KDM4C: variants seen among roughly 807,000 people sequenced by gnomAD.
KDM4C encodes the protein lysine demethylase 4C.
KDM4C carries 81 observed loss-of-function variants against 129.3 expected under a neutral mutation model. The observed-to-expected ratio is 0.63, with a 90% CI of 0.52 to 0.75. KDM4C has a LOEUF of 0.75. Ranked by LOEUF, KDM4C falls within the 30% of genes least tolerant of loss-of-function variation. The probability of loss-of-function intolerance (pLI) is 0.00; values close to 1 mark genes in which losing one functional copy is unlikely to be tolerated. For missense variants in KDM4C, 1,457 were observed against 1,304.0 expected, an observed-to-expected ratio of 1.12 and a Z score of -1.81; for synonymous variants, 573 against 456.1, an observed-to-expected ratio of 1.26 and a Z score of -3.26.
intron 8 of KDM4C, among the ~76,000 whole-genome samples, chr9:6,973,320 G>C (rs1832325280): frequency 2.0e-5 from 3 of 152,178 alleles, no homozygotes; most frequent in Non-Finnish European, 4.4e-5. Flanking sequence ...TAGGATTACA[G>C]GCGTGAGCCC....
intron 5 of KDM4C, among the ~76,000 whole-genome samples, chr9:6,854,238 G>C (rs1384388404): frequency 6.6e-6 from 1 of 151,994 alleles, no homozygotes; most frequent in Non-Finnish European, 1.5e-5. Flanking sequence ...AAATGAATAA[G>C]AAACTTTCGA....
chr9:6,729,124 A>AAAAAAAAAAAGGCTTGTC (rs1554663579), intron 1 of KDM4C, among the ~76,000 whole-genome samples: 84 of 125,468 alleles, frequency 6.7e-4, no homozygotes, highest in African/African-American at 9.4e-4. Flanking sequence ...GAATTGCTTG[A>AAAAAAAAAAAGGCTTGTC]ACCCGGGAAG....
intron 18 of KDM4C, among the ~76,000 whole-genome samples, chr9:7,108,130 T>C (rs1837907135): frequency 6.6e-6 from 1 of 152,182 alleles, no homozygotes; most frequent in East Asian, 1.9e-4. Context: ...TCTAGAAACT[T>C]GTCTAGGATC....
chr9:6,726,845 C>T (rs2996063), intron 1 of KDM4C: 2 of 152,100 alleles, frequency 1.3e-5, no homozygotes, highest in African/African-American at 2.4e-5. Flanking sequence ...AAGCAATTCT[C>T]CTCCTTCAGC....
chr9:6,967,588 G>A (rs944662045), intron 8 of KDM4C, among the ~76,000 whole-genome samples: 3 of 152,132 alleles, frequency 2.0e-5, no homozygotes, highest in Non-Finnish European at 4.4e-5. Flanking sequence ...GAGTGAAACG[G>A]GCTTGTAGGG....
chr9:7,074,112 G>T (rs1461996926), intron 17 of KDM4C, among the ~76,000 whole-genome samples: 3 of 152,114 alleles, frequency 2.0e-5, no homozygotes, highest in Non-Finnish European at 2.9e-5. Context: ...GAAAAAGGAT[G>T]TCAGTATTGA....
At chr9:6,877,068 G>A (rs764563558) in intron 5 of KDM4C, among the ~76,000 whole-genome samples, 13 of 152,134 alleles carry the variant, frequency 8.5e-5, no homozygotes, top group Admixed American at 1.3e-4. Flanking sequence ...GGTATGCTGG[G>A]TACTTCATCC....
intron 15 of KDM4C, among the ~76,000 whole-genome samples, chr9:7,016,564 T>A (rs1045382935): frequency 6.6e-6 from 1 of 151,432 alleles, no homozygotes; most frequent in Admixed American, 6.6e-5. Context: ...TATCTGGGAC[T>A]ACGGGCGCCT....
intron 17 of KDM4C, among the ~76,000 whole-genome samples, chr9:7,079,507 A>T (rs1450154897): frequency 6.6e-6 from 1 of 152,118 alleles, no homozygotes. Flanking sequence ...TTTTTAGTGG[A>T]GACAGTGTTT....
intron 15 of KDM4C, among the ~76,000 whole-genome samples, chr9:7,035,095 C>G (rs1278926630): frequency 6.6e-6 from 1 of 151,848 alleles, no homozygotes; most frequent in Non-Finnish European, 1.5e-5. Flanking sequence ...TCACTGTATT[C>G]TCTACTTCCT....
At chr9:6,875,197 T>C (rs7038892) in intron 5 of KDM4C, among the ~76,000 whole-genome samples, 32,499 of 152,154 alleles carry the variant, frequency 0.21, 4,188 homozygotes, top group Middle Eastern at 0.38. Context: ...GAGAGTGATA[T>C]AAGTCAGCAA....
intron 15 of KDM4C, among the ~76,000 whole-genome samples, chr9:7,032,730 TG>T (rs530045838): frequency 2.6e-5 from 4 of 152,172 alleles, no homozygotes; most frequent in Non-Finnish European, 5.9e-5. Context: ...TCCCAGGCCT[TG>T]CCTCCTCTGC....
chr9:7,011,595 C>A, intron 12 of KDM4C, 103 bp from the exon 13 acceptor site: 1 of 1,084,262 alleles, frequency 9.2e-7, no homozygotes, highest in Non-Finnish European at 1.4e-6. Context: ...GGTTTCCGGC[C>A]TTAATATCAC....
At chr9:7,057,511 C>T (rs945911545) in intron 17 of KDM4C, among the ~76,000 whole-genome samples, 3 of 152,238 alleles carry the variant, frequency 2.0e-5, no homozygotes, top group Non-Finnish European at 2.9e-5. Context: ...GATTAACCCT[C>T]TGAAGCTCAT....
intron 8 of KDM4C, among the ~76,000 whole-genome samples, chr9:6,918,833 A>G (rs1292121088): frequency 6.6e-6 from 1 of 151,198 alleles, no homozygotes; most frequent in Non-Finnish European, 1.5e-5. Context: ...TCTTTTGAGA[A>G]GGCTCTGTTC....
At chr9:6,869,587 G>C (rs746985015) in intron 5 of KDM4C, among the ~76,000 whole-genome samples, 3 of 152,214 alleles carry the variant, frequency 2.0e-5, no homozygotes, top group Non-Finnish European at 4.4e-5. Context: ...CAGAGTCCTG[G>C]CAGATCCTAA....
At chr9:6,898,287 T>C (rs1302916628) in intron 8 of KDM4C, among the ~76,000 whole-genome samples, 1 of 152,208 alleles carries the variant, frequency 6.6e-6, no homozygotes, top group Non-Finnish European at 1.5e-5. Context: ...AAAAGTTATT[T>C]ACTGTACTGA....
At chr9:6,796,239 G>A (rs1827730586) in intron 2 of KDM4C, among the ~76,000 whole-genome samples, 1 of 152,132 alleles carries the variant, frequency 6.6e-6, no homozygotes, top group South Asian at 2.1e-4. Context: ...GAGGTCAGGA[G>A]TTCGAGACCA....
At chr9:7,032,791 C>G (rs1401403763) in intron 15 of KDM4C, among the ~76,000 whole-genome samples, 3 of 152,136 alleles carry the variant, frequency 2.0e-5, no homozygotes, top group African/African-American at 4.8e-5. Flanking sequence ...TGACCTAATC[C>G]TGAACAATGT....
Sources: gnomAD v4.1 joint callset for allele counts (sites outside exome capture counted in the v4.1 genomes callset) on GRCh38, gnomAD v4.1.1 for gene constraint, MANE v1.5 for transcripts, NCBI Gene and HGNC (gene_info 2026-07-23, HGNC 2026-07-21) for gene names.